SYT14: variants seen among roughly 807,000 people sequenced by gnomAD.
SYT14 encodes the protein synaptotagmin-14.
SYT14 carries 32 observed loss-of-function variants against 74.2 expected under a neutral mutation model. That is an observed-to-expected ratio of 0.43 (90% CI 0.33 to 0.58). The LOEUF is 0.58. SYT14 is among the 20% of genes least tolerant of loss of function. SYT14 has a pLI of 0.05. For missense variants in SYT14, 791 were observed against 981.8 expected (o/e 0.81, Z 2.60); for synonymous variants, 298 against 337.7 (o/e 0.88, Z 1.29).
intron 5 of SYT14, among the ~76,000 whole-genome samples, chr1:210,046,443 C>A (rs545907910): frequency 1.3e-5 from 2 of 151,966 alleles, no homozygotes; most frequent in Non-Finnish European, 1.5e-5. Flanking sequence ...TGTAACTTTA[C>A]TGAATGGTAT....
intron 7 of SYT14, among the ~76,000 whole-genome samples, chr1:210,136,745 C>T (rs2082794349): frequency 2.0e-5 from 3 of 152,100 alleles, no homozygotes; most frequent in African/African-American, 4.8e-5. Context: ...AAGACCTCAC[C>T]GTAGCCTCTG....
chr1:210,045,551 A>G (rs544075118), intron 5 of SYT14, among the ~76,000 whole-genome samples: 2 of 152,326 alleles, frequency 1.3e-5, no homozygotes, highest in South Asian at 4.1e-4. Flanking sequence ...AGATGAAGGC[A>G]TTGAAAAGAG....
At chr1:210,041,987 A>C (rs2102347007) in intron 5 of SYT14, among the ~76,000 whole-genome samples, 1 of 152,164 alleles carries the variant, frequency 6.6e-6, no homozygotes, top group South Asian at 2.1e-4. Context: ...TCACTGAGCC[A>C]AGCGTTGCTT....
At chr1:210,086,603 A>G (rs1242066028) in intron 5 of SYT14, among the ~76,000 whole-genome samples, 2 of 152,202 alleles carry the variant, frequency 1.3e-5, no homozygotes, top group African/African-American at 4.8e-5. Flanking sequence ...CCATTTCTTT[A>G]TAAAGAATCC....
intron 2 of SYT14, among the ~76,000 whole-genome samples, chr1:210,006,330 TATAAA>T (rs1333669303): frequency 1.3e-5 from 2 of 151,978 alleles, no homozygotes; most frequent in Non-Finnish European, 2.9e-5. Context: ...ATTGAAATGT[TATAAA>T]AGGAAACTGA....
chr1:210,083,797 T>G (rs535564544), intron 5 of SYT14, among the ~76,000 whole-genome samples: 1 of 136,722 alleles, frequency 7.3e-6, no homozygotes. Context: ...CTCGAACTCC[T>G]GGGCACAAGC....
intron 2 of SYT14, among the ~76,000 whole-genome samples, chr1:209,973,872 G>A (rs1329454376): frequency 6.6e-6 from 1 of 152,110 alleles, no homozygotes; most frequent in Non-Finnish European, 1.5e-5. Flanking sequence ...TCCAGCACCT[G>A]TTGTTTCCTG....
chr1:210,092,039 G>C (rs227199), intron 5 of SYT14, among the ~76,000 whole-genome samples: 114,342 of 152,182 alleles, frequency 0.75, 44,131 homozygotes, highest in African/African-American at 0.92. Context: ...AGGTATTACC[G>C]TTTAATTCAG....
intron 2 of SYT14, among the ~76,000 whole-genome samples, chr1:209,979,939 G>A (rs1489302137): frequency 2.0e-5 from 3 of 152,156 alleles, no homozygotes; most frequent in African/African-American, 7.2e-5. Flanking sequence ...CTTTATAATA[G>A]AATGATTTAT....
chr1:209,974,233 A>G (rs188463628), intron 2 of SYT14, among the ~76,000 whole-genome samples: 161 of 152,164 alleles, frequency 1.1e-3, no homozygotes, highest in African/African-American at 3.6e-3. Flanking sequence ...CCATTTGTCA[A>G]TTTTGGCTTT....
At chr1:209,958,670 C>T (rs899241671) in intron 2 of SYT14, among the ~76,000 whole-genome samples, 1 of 152,114 alleles carries the variant, frequency 6.6e-6, no homozygotes, top group African/African-American at 2.4e-5. Context: ...ATGCAATTAA[C>T]TTTTCTAAAT....
intron 7 of SYT14, among the ~76,000 whole-genome samples, chr1:210,118,152 A>G (rs1442948523): frequency 1.3e-5 from 2 of 152,224 alleles, no homozygotes; most frequent in African/African-American, 4.8e-5. Context: ...CTACTTGACC[A>G]TTTTATGGTA....
chr1:209,942,831 ATTAAC>A (rs1268296083), intron 1 of SYT14, among the ~76,000 whole-genome samples: 3 of 152,150 alleles, frequency 2.0e-5, no homozygotes, highest in Non-Finnish European at 4.4e-5. Context: ...ACGTTGCTGT[ATTAAC>A]TTTACTTAAC....
intron 5 of SYT14, among the ~76,000 whole-genome samples, chr1:210,075,935 TTAAGTATTATG>T (rs1280428400): frequency 6.6e-6 from 1 of 152,230 alleles, no homozygotes; most frequent in Non-Finnish European, 1.5e-5. Context: ...TTTTTAAATA[TTAAGTATTATG>T]TTTTATATAA....
chr1:209,982,559 G>A (rs565198251), intron 2 of SYT14, among the ~76,000 whole-genome samples: 15 of 123,286 alleles, frequency 1.2e-4, no homozygotes, highest in African/African-American at 2.6e-4. Context: ...GTATTCCATT[G>A]TCTGGATGTT....
intron 1 of SYT14, among the ~76,000 whole-genome samples, chr1:209,939,562 T>A (rs1389469827): frequency 6.6e-6 from 1 of 152,252 alleles, no homozygotes; most frequent in Admixed American, 6.5e-5. Context: ...GATCTACCTA[T>A]AATCTATGAT....
intron 5 of SYT14, among the ~76,000 whole-genome samples, chr1:210,064,913 C>T (rs2081269391): frequency 6.6e-6 from 1 of 152,030 alleles, no homozygotes; most frequent in Non-Finnish European, 1.5e-5. Flanking sequence ...CCTCCACACC[C>T]TCGCCAACAC....
At chr1:210,074,501 T>A (rs1010426369) in intron 5 of SYT14, among the ~76,000 whole-genome samples, 1 of 152,214 alleles carries the variant, frequency 6.6e-6, no homozygotes, top group African/African-American at 2.4e-5. Flanking sequence ...ACCCAACTGC[T>A]GCCCTAAAAT....
At chr1:210,024,893 G>T (rs2080377812) in intron 5 of SYT14, among the ~76,000 whole-genome samples, 1 of 152,176 alleles carries the variant, frequency 6.6e-6, no homozygotes, top group South Asian at 2.1e-4. Context: ...TGGTTGGGGA[G>T]AATGATAATT....
Sources: gnomAD v4.1 joint callset for allele counts (sites outside exome capture counted in the v4.1 genomes callset) on GRCh38, gnomAD v4.1.1 for gene constraint, MANE v1.5 for transcripts, NCBI Gene and HGNC (gene_info 2026-07-23, HGNC 2026-07-21) for gene names.